Variants in SYNE2 observed in about 807,000 individuals in gnomAD.
The protein encoded by SYNE2 is nesprin-2.
SYNE2 carries 431 observed loss-of-function variants against 856.3 expected under a neutral mutation model. That is an observed-to-expected ratio of 0.50 (90% CI 0.47 to 0.55). The LOEUF (loss-of-function observed/expected upper bound fraction) is 0.55. Ranked by LOEUF, SYNE2 falls within the 20% of genes least tolerant of loss-of-function variation. SYNE2 has a pLI of 0.00. For missense variants in SYNE2, 8,129 were observed against 8,023.2 expected, an observed-to-expected ratio of 1.01 and a Z score of -0.50; for synonymous variants, 2,923 against 2,872.3, an observed-to-expected ratio of 1.02 and a Z score of -0.56.
chr14:64,149,290 C>T (rs1043879056), intron 84 of SYNE2, among the ~76,000 whole-genome samples: 2 of 151,708 alleles, frequency 1.3e-5, no homozygotes, highest in Non-Finnish European at 2.9e-5. Flanking sequence ...TGGATAAGAC[C>T]CCATCTCTAA....
intron 1 of SYNE2, among the ~76,000 whole-genome samples, chr14:63,872,590 T>C (rs1662131969): frequency 3.3e-5 from 5 of 151,824 alleles, no homozygotes. Context: ...ATCCCATCTC[T>C]ACTAAAAATA....
intron 110 of SYNE2, 41 bp from the exon 111 acceptor site, chr14:64,220,396 A>C: frequency 6.2e-7 from 1 of 1,610,088 alleles, no homozygotes; most frequent in Non-Finnish European, 8.5e-7. Context: ...CCTCCTCCCT[A>C]CTTTCAGAGC....
chr14:64,061,209 T>C (rs1174822160), intron 49 of SYNE2, among the ~76,000 whole-genome samples: 1 of 152,214 alleles, frequency 6.6e-6, no homozygotes, highest in Non-Finnish European at 1.5e-5. Context: ...GCCATCTTGC[T>C]CCTCCTGCAT....
intron 99 of SYNE2, among the ~76,000 whole-genome samples, chr14:64,201,858 T>C (rs1320057502): frequency 6.6e-6 from 1 of 152,206 alleles, no homozygotes; most frequent in Non-Finnish European, 1.5e-5. Context: ...CCATTACTTT[T>C]AAATGTCTGA....
At chr14:64,036,819 C>G (rs1306585674) in intron 45 of SYNE2, among the ~76,000 whole-genome samples, 1 of 152,142 alleles carries the variant, frequency 6.6e-6, no homozygotes, top group Non-Finnish European at 1.5e-5. Flanking sequence ...ATCTGTACAT[C>G]TACTCAGTTT....
chr14:63,914,426 A>G (rs1001705416), intron 2 of SYNE2, among the ~76,000 whole-genome samples: 24 of 152,148 alleles, frequency 1.6e-4, no homozygotes, highest in Non-Finnish European at 3.2e-4. Context: ...GTGCCTACCT[A>G]TTGTGTCTTA....
At chr14:64,000,952 C>G (rs2096749489) in intron 28 of SYNE2, among the ~76,000 whole-genome samples, 1 of 152,166 alleles carries the variant, frequency 6.6e-6, no homozygotes. Flanking sequence ...CTTAGTAGAA[C>G]TTAAGGTCTG....
chr14:63,769,419 G>A (rs573263604), intron 1 of SYNE2, among the ~76,000 whole-genome samples: 13 of 152,142 alleles, frequency 8.5e-5, no homozygotes, highest in East Asian at 3.9e-4. Context: ...CTGTAATCCC[G>A]CACTTTGGGA....
intron 98 of SYNE2, among the ~76,000 whole-genome samples, chr14:64,189,712 A>G (rs1222205652): frequency 6.6e-6 from 1 of 152,182 alleles, no homozygotes; most frequent in Non-Finnish European, 1.5e-5. Flanking sequence ...ACAGTGTCTC[A>G]CTGTGCTGGA....
intron 1 of SYNE2, among the ~76,000 whole-genome samples, chr14:63,837,739 A>AC (rs199816356): frequency 0.02 from 3,078 of 150,722 alleles, 41 homozygotes; most frequent in Admixed American, 0.032. Flanking sequence ...ATATAGTAAG[A>AC]CCCCCCTGTC....
intron 2 of SYNE2, among the ~76,000 whole-genome samples, chr14:63,910,229 G>A (rs2095457098): frequency 6.6e-6 from 1 of 152,176 alleles, no homozygotes; most frequent in Non-Finnish European, 1.5e-5. Context: ...TTATGGTAAA[G>A]ATGCCAAAAT....
chr14:64,089,532 A>C, intron 58 of SYNE2, 42 bp from the exon 59 acceptor site: 1 of 1,578,058 alleles, frequency 6.3e-7, no homozygotes, highest in Admixed American at 1.7e-5. Context: ...GATGATTAAT[A>C]TACAATATAT....
chr14:64,126,220 A>G (rs1195050319), intron 71 of SYNE2, 107 bp from the exon 72 acceptor site: 2 of 987,094 alleles, frequency 2.0e-6, no homozygotes, highest in African/African-American at 1.6e-5. Flanking sequence ...ACTTATTACA[A>G]AAGAAGCATA....
At chr14:64,103,699 G>C (rs1008750015) in intron 64 of SYNE2, among the ~76,000 whole-genome samples, 1 of 152,020 alleles carries the variant, frequency 6.6e-6, no homozygotes, top group Admixed American at 6.6e-5. Context: ...TCAGTACTCA[G>C]GCTTCCCCTC....
intron 1 of SYNE2, among the ~76,000 whole-genome samples, chr14:63,881,109 A>G (rs909766440): frequency 9.9e-5 from 15 of 151,584 alleles, no homozygotes; most frequent in Non-Finnish European, 2.1e-4. Flanking sequence ...CGGCCTCCCA[A>G]AGTGCTGGGA....
chr14:63,974,852 ATGTGTGTGTGTG>A (rs1289413090), intron 11 of SYNE2, among the ~76,000 whole-genome samples: 9 of 79,006 alleles, frequency 1.1e-4, no homozygotes, highest in African/African-American at 1.3e-4. Context: ...GTGTGTGTAC[ATGTGTGTGTGTG>A]TGTGTGTGTG....
upstream of SYNE2, among the ~76,000 whole-genome samples, chr14:63,850,079 CTTTTTTT>C (rs66964099): frequency 2.3e-5 from 3 of 130,432 alleles, no homozygotes; most frequent in Admixed American, 1.6e-4. Flanking sequence ...TGACAACATA[CTTTTTTT>C]TTTTTTTTTT....
At chr14:63,855,987 G>A (rs1891611928) in intron 1 of SYNE2, among the ~76,000 whole-genome samples, 1 of 152,274 alleles carries the variant, frequency 6.6e-6, no homozygotes, top group East Asian at 1.9e-4. Flanking sequence ...AAGATGAGAA[G>A]GAGCTAGCCA....
At chr14:63,929,774 A>G (rs1017413748) in intron 2 of SYNE2, among the ~76,000 whole-genome samples, 1 of 152,000 alleles carries the variant, frequency 6.6e-6, no homozygotes, top group Non-Finnish European at 1.5e-5. Flanking sequence ...TGTCTCAAAA[A>G]AAAAAAAAAA....
Sources: gnomAD v4.1 joint callset for allele counts (sites outside exome capture counted in the v4.1 genomes callset) on GRCh38, gnomAD v4.1.1 for gene constraint, MANE v1.5 for transcripts, NCBI Gene and HGNC (gene_info 2026-07-23, HGNC 2026-07-21) for gene names.